Variants in PSMD9 observed in about 807,000 individuals in gnomAD.
PSMD9 encodes 26S proteasome non-ATPase regulatory subunit 9.
In PSMD9, 26 loss-of-function variants were observed where a neutral mutation model predicts 25.9. The ratio of observed to expected loss-of-function variants is 1.00; its 90% CI spans 0.73 to 1.39. PSMD9 has a LOEUF of 1.39. Ranked by LOEUF, PSMD9 falls within the 40% of genes most tolerant of loss-of-function variation. The pLI is 0.00. For synonymous variants in PSMD9, 110 were observed against 114.5 expected (o/e 0.96, Z 0.25); for missense variants, 303 against 299.3 (o/e 1.01, Z -0.09).
At chr12:121,894,918 CTG>C in intron 2 of PSMD9, 77 bp downstream of exon 2, 1 of 1,215,006 alleles carries the variant, frequency 8.2e-7, no homozygotes, top group South Asian at 1.3e-5. Context: ...AACCAACTAT[CTG>C]TATTATCTAC....
At chr12:121,892,915 G>A (rs1879128901) in intron 1 of PSMD9, among the ~76,000 whole-genome samples, 1 of 151,962 alleles carries the variant, frequency 6.6e-6, no homozygotes, top group African/African-American at 2.4e-5. Flanking sequence ...ACTTTACATG[G>A]GTCAGTTATA....
At chr12:121,912,585 G>A (rs1343772762) in intron 4 of PSMD9, among the ~76,000 whole-genome samples, 1 of 152,036 alleles carries the variant, frequency 6.6e-6, no homozygotes, top group African/African-American at 2.4e-5. Flanking sequence ...GTCTATTTAG[G>A]CTGGGCGCTG....
intron 1 of PSMD9, among the ~76,000 whole-genome samples, chr12:121,891,751 C>G (rs1879087221): frequency 6.6e-6 from 1 of 151,278 alleles, no homozygotes. Flanking sequence ...ACGAAAAATA[C>G]AAAAATTAGC....
chr12:121,891,295 C>CT (rs781437266), intron 1 of PSMD9, among the ~76,000 whole-genome samples: 1 of 92,654 alleles, frequency 1.1e-5, no homozygotes, highest in African/African-American at 3.7e-5. Context: ...GATGCTGTCT[C>CT]TTTAAAAAAA....
At chr12:121,895,051 T>G (rs867123655) in intron 2 of PSMD9, among the ~76,000 whole-genome samples, 1 of 151,834 alleles carries the variant, frequency 6.6e-6, no homozygotes, top group South Asian at 2.1e-4. Flanking sequence ...TCTCTCTCTC[T>G]CTTTTTTTTT....
chr12:121,912,681 C>G (rs936428656), intron 4 of PSMD9, among the ~76,000 whole-genome samples: 4 of 151,742 alleles, frequency 2.6e-5, no homozygotes, highest in African/African-American at 7.3e-5. Flanking sequence ...GCCTGGGGAT[C>G]ATGGTGAAAC....
intron 4 of PSMD9, among the ~76,000 whole-genome samples, chr12:121,906,300 G>A (rs1879551850): frequency 6.6e-6 from 1 of 152,064 alleles, no homozygotes; most frequent in Non-Finnish European, 1.5e-5. Context: ...TCTGGCTTCA[G>A]CCTCATCCCC....
intron 2 of PSMD9, 147 bp downstream of exon 2, chr12:121,894,988 AG>A: frequency 1.5e-6 from 1 of 684,886 alleles, no homozygotes; most frequent in South Asian, 1.8e-5. Context: ...CTGAGAACCA[AG>A]GGAATGGGCT....
At chr12:121,899,867 C>G in intron 3 of PSMD9, 22 bp downstream of exon 3, 2 of 1,613,474 alleles carry the variant, frequency 1.2e-6, no homozygotes, top group Non-Finnish European at 1.7e-6. Flanking sequence ...GTTGGCCACT[C>G]AAGTCCATGC....
rs1161363221 is a variant in PSMD9, at chr12:121,888,900, C to T, written c.44C>T (p.Ala15Val). Residue 15 changes from alanine (A) to valine (V), a missense_variant, in exon 1 of 6, where the codon GCC becomes GTC. Coordinates refer to ENST00000541212, the MANE Select transcript of PSMD9 (RefSeq NM_002813.7). ...AGGCAGAGCGGAGGCTCCTCGCAGG[C>T]CGGCGTCGTGACTGTCAGCGACGTC... ...EARQSGGSSQAGVVTVSDVQE... is the reference protein window; with the variant it reads ...EARQSGGSSQVGVVTVSDVQE... 6.2e-7 allele frequency: 1 copy of T among 1,600,484 alleles called. No individual in the cohort carries two copies. The highest frequency in any genetic ancestry group is 8.5e-7 in the Non-Finnish European group (1 of 1,174,430).
At chr12:121,912,868 C>CA (rs35325016) in intron 4 of PSMD9, among the ~76,000 whole-genome samples, 34,721 of 85,360 alleles carry the variant, frequency 0.41, 6,646 homozygotes, top group Non-Finnish European at 0.52. Context: ...AACCCTGTCT[C>CA]AAAAAAAAAA....
rs145245073 is a variant in PSMD9 at position 121,892,387 on chromosome 12, G to A, written c.139-2352G>A. Among the ~76,000 whole-genome samples, 11 of 151,930 alleles carry A rather than the reference G, an allele frequency of 7.2e-5. No individual in the cohort carries two copies. The East Asian group carries it at 1.4e-3, about 19-fold the overall frequency. On this transcript the variant is annotated intron_variant, in intron 1 of 5. Coordinates refer to ENST00000541212, the MANE Select transcript of PSMD9 (RefSeq NM_002813.7). ...GAGACTAGCCTGGGCAACACAGTAAGAGCCTATCTTTACAAAAAATTCAAA... is the reference window on the plus strand; with the variant it reads ...GAGACTAGCCTGGGCAACACAGTAAAAGCCTATCTTTACAAAAAATTCAAA...
Position 121,917,246 on chromosome 12 carries a change from T to TA in PSMD9, c.*938dup, listed in dbSNP as rs11385149. ...AAGCAGTCCTCCTGCCTTGGCCTCC[T>TA]AAAGTGCTGGGATCACAGGCGTGAG... On this transcript the variant is annotated 3_prime_UTR_variant, in exon 6 of 6. Transcript: ENST00000541212. 0.53 allele frequency: 80,498 copies of TA among 152,240 alleles called. 22,085 individuals are homozygous for TA. The highest frequency in any genetic ancestry group is 0.66 in the African/African-American group (27,223 of 41,486). 9.4% of individuals were successfully genotyped at this position (152,240 alleles called of 1,614,324 possible). A position where few individuals can be genotyped will look rare whatever the true frequency, so the allele number is the denominator to read the frequency against.
At chr12:121,902,134 G>A (rs1879418818) in intron 3 of PSMD9, 1 of 152,188 alleles carries the variant, frequency 6.6e-6, no homozygotes, top group Non-Finnish European at 1.5e-5. Flanking sequence ...TTTTTTTGTG[G>A]AGATGTAGTT....
intron 1 of PSMD9, among the ~76,000 whole-genome samples, chr12:121,891,458 G>T (rs1463230941): frequency 6.6e-6 from 1 of 151,576 alleles, no homozygotes; most frequent in African/African-American, 2.4e-5. Context: ...AAATTAGCTG[G>T]ACGTGGTGGC....
Position 121,915,920 on chromosome 12 carries a change from G to A in PSMD9, c.620G>A (p.Arg207His), listed in dbSNP as rs376166363. Reference protein sequence around the residue: ...EKHQLRLVPTRWAGKGLLGCN... With the variant: ...EKHQLRLVPTHWAGKGLLGCN... Reference sequence around the variant, plus strand: ...CACCAGCTTAGACTTGTTCCAACACGCTGGGCAGGAAAAGGACTGCTGGGG... The same window carrying A: ...CACCAGCTTAGACTTGTTCCAACACACTGGGCAGGAAAAGGACTGCTGGGG... The change falls in exon 5 of 6, where the codon CGC becomes CAC. Residue 207 changes from arginine (R) to histidine (H), a missense_variant. By Grantham distance (29) the Arg-to-His change is conservative. Coordinates refer to ENST00000541212, the MANE Select transcript of PSMD9 (RefSeq NM_002813.7). The A allele has an allele frequency of 5.0e-6, 8 of 1,613,848 alleles. No individual in the cohort carries two copies. The highest frequency in any genetic ancestry group is 1.3e-5 in the African/African-American group (1 of 75,036).
intron 4 of PSMD9, 59 bp downstream of exon 4, chr12:121,903,166 A>T (rs1322996264): frequency 7.1e-7 from 1 of 1,404,104 alleles, no homozygotes; most frequent in Non-Finnish European, 1.0e-6. Context: ...TATGCCATAG[A>T]CTGCGTGGCT....
rs145848912 is a variant in PSMD9 at position 121,894,798 on chromosome 12, C to G, written c.198C>G (p.Asp66Glu). The G allele has an allele frequency of 1.2e-6, 2 of 1,613,954 alleles. No individual in the cohort carries two copies. Among genetic ancestry groups the G allele is most frequent in the Non-Finnish European group, 1.7e-6 (2 of 1,180,008 alleles). The change falls in exon 2 of 6, where the codon GAC becomes GAG. Residue 66 changes from aspartate (D) to glutamate (E), a missense_variant. By Grantham distance (45) the Asp-to-Glu change is conservative. Coordinates refer to ENST00000541212, the MANE Select transcript of PSMD9 (RefSeq NM_002813.7). The stretch of plus-strand genomic sequence containing the variant: ...ACTGTGAGGGCTACCCCCGGTCAGA[C>G]GTGGACCTGTACCAAGTCCGCACCG... ...LVDCEGYPRS[D>E]VDLYQVRTAR... is the part of the protein sequence containing the mutation.
At chr12:121,901,266 A>G (rs11829393) in intron 3 of PSMD9, among the ~76,000 whole-genome samples, 6,348 of 152,216 alleles carry the variant, frequency 0.042, 427 homozygotes, top group African/African-American at 0.14. Context: ...ATTTCCTATA[A>G]GTTGAATCAT....
Sources: gnomAD v4.1 joint callset for allele counts (sites outside exome capture counted in the v4.1 genomes callset) on GRCh38, gnomAD v4.1.1 for gene constraint, MANE v1.5 for transcripts, NCBI Gene and HGNC (gene_info 2026-07-23, HGNC 2026-07-21) for gene names.